KLHDC4: variants seen among roughly 807,000 people sequenced by gnomAD.
KLHDC4 encodes the protein kelch domain containing 4, also known as kelch domain-containing protein 4.
A neutral mutation model predicts 62.4 loss-of-function variants in KLHDC4; 90 were observed. That is an observed-to-expected ratio of 1.44 (90% CI 1.22 to 1.72). The LOEUF (loss-of-function observed/expected upper bound fraction) is 1.72, where lower values mean the gene tolerates loss of function less well. Ranked by LOEUF, KLHDC4 falls within the 40% of genes most tolerant of loss-of-function variation. The pLI, the probability that KLHDC4 is intolerant of heterozygous loss-of-function variation, is 0.00. For synonymous variants in KLHDC4, 386 were observed against 284.4 expected (o/e 1.36, Z -3.59); for missense variants, 1,025 against 699.7 (o/e 1.47, Z -5.25).
intron 7 of KLHDC4, among the ~76,000 whole-genome samples, chr16:87,725,017 C>A (rs185056007): frequency 6.6e-6 from 1 of 152,072 alleles, no homozygotes; most frequent in Non-Finnish European, 1.5e-5. Context: ...CACTTCAGCA[C>A]GAAGCAGCAA....
At chr16:87,724,710 C>T (rs1597505186) in intron 7 of KLHDC4, among the ~76,000 whole-genome samples, 2 of 152,162 alleles carry the variant, frequency 1.3e-5, no homozygotes, top group Admixed American at 6.5e-5. Flanking sequence ...GCAACTGGAA[C>T]TCCCCAACAT....
At position 87,709,663 on chromosome 16, in the gene KLHDC4, G is replaced by C. The variant is rs1244064184; in HGVS notation, c.1049C>G (p.Pro350Arg). The C allele has an allele frequency of 2.5e-6, 4 of 1,595,400 alleles. No individual in the cohort carries two copies. The African/African-American group carries it at 4.0e-5, about 16-fold the overall frequency. Residue 350 changes from proline to arginine, a missense_variant, in exon 10 of 12, where the codon CCC (proline) becomes CGC (arginine). Physicochemically the swap from Pro to Arg is moderately radical, Grantham distance 103. Coordinates refer to ENST00000270583, the MANE Select transcript of KLHDC4 (RefSeq NM_017566.4). ...CCTGCGTTTCTTCTTTTCAGACTTG[G>C]GTCCCTATTAATAGACCGAGGAAGC... ...NRWFEGQLKG[P>R]KSEKKKRRRG...
intron 6 of KLHDC4, among the ~76,000 whole-genome samples, chr16:87,729,605 A>G (rs753833137): frequency 9.2e-5 from 14 of 152,274 alleles, no homozygotes; most frequent in Middle Eastern, 3.2e-3. Flanking sequence ...ACGTGAGCAG[A>G]TAACAGGCCT....
chr16:87,761,410 A>G (rs916223096), intron 2 of KLHDC4, among the ~76,000 whole-genome samples: 1 of 152,238 alleles, frequency 6.6e-6, no homozygotes, highest in Non-Finnish European at 1.5e-5. Context: ...CTGCAAGGTT[A>G]ATCTCCTACT....
In KLHDC4 at chr16:87,727,095, C is replaced by G. The variant is rs562870236; in HGVS notation, c.600-171G>C. Among the ~76,000 whole-genome samples, 5 of 152,304 alleles carry G rather than the reference C, an allele frequency of 3.3e-5. No individual in the cohort carries two copies. The South Asian group carries it at 1.0e-3, about 32-fold the overall frequency. On this transcript the variant is annotated intron_variant, in intron 6 of 11. Coordinates refer to ENST00000270583, the MANE Select transcript of KLHDC4 (RefSeq NM_017566.4). Reference sequence around the variant, plus strand: ...ACAACAATCAACACAGAAACGTGGCCGCTTTCCCTGCAACGAGCCAGAGAC... The same window carrying G: ...ACAACAATCAACACAGAAACGTGGCGGCTTTCCCTGCAACGAGCCAGAGAC...
At chr16:87,730,483 G>A (rs2040151944) in intron 6 of KLHDC4, 69 bp downstream of exon 6, 2 of 1,270,668 alleles carry the variant, frequency 1.6e-6, no homozygotes, top group Non-Finnish European at 2.2e-6. Context: ...TATTCAGAAT[G>A]CTCTTTCTAT....
intron 4 of KLHDC4, among the ~76,000 whole-genome samples, chr16:87,753,086 G>A (rs72812226): frequency 0.1 from 15,161 of 152,224 alleles, 812 homozygotes; most frequent in Non-Finnish European, 0.11. Context: ...TTGCATAGCT[G>A]AGGAGACAAG....
downstream of KLHDC4, among the ~76,000 whole-genome samples, chr16:87,705,361 C>T (rs1412036562): frequency 6.6e-6 from 1 of 152,354 alleles, no homozygotes; most frequent in African/African-American, 2.4e-5. Flanking sequence ...GTGTTGTGTT[C>T]CGCGTCTCCC....
intron 9 of KLHDC4, 141 bp from the exon 10 acceptor site, chr16:87,709,808 T>A: frequency 1.0e-6 from 1 of 984,686 alleles, no homozygotes; most frequent in Non-Finnish European, 1.5e-6. Flanking sequence ...GCGCCATCCC[T>A]GACTGCCCTG....
At chr16:87,763,261 C>T (rs1341822578) in intron 1 of KLHDC4, among the ~76,000 whole-genome samples, 2 of 152,230 alleles carry the variant, frequency 1.3e-5, no homozygotes, top group South Asian at 2.1e-4. Context: ...TCTTTTATTA[C>T]ACATGTGTAT....
chr16:87,706,143 G>T (rs532392946), downstream of KLHDC4, among the ~76,000 whole-genome samples: 61 of 145,478 alleles, frequency 4.2e-4, no homozygotes, highest in South Asian at 0.011. Flanking sequence ...CAGCCCTCGC[G>T]GGGGGGTCAG....
At chr16:87,724,543 G>C (rs767975100) in intron 7 of KLHDC4, among the ~76,000 whole-genome samples, 2 of 152,036 alleles carry the variant, frequency 1.3e-5, no homozygotes, top group South Asian at 4.1e-4. Flanking sequence ...AATAGCAGAA[G>C]ACATGAACAC....
intron 4 of KLHDC4, 74 bp downstream of exon 4, chr16:87,755,120 A>G (rs2044656916): frequency 2.0e-6 from 2 of 1,023,214 alleles, no homozygotes; most frequent in Non-Finnish European, 3.0e-6. Context: ...CCTGTCACCT[A>G]TCAACTCTCC....
intron 1 of KLHDC4, among the ~76,000 whole-genome samples, chr16:87,764,209 G>T (rs2046278092): frequency 6.6e-6 from 1 of 152,088 alleles, no homozygotes; most frequent in Non-Finnish European, 1.5e-5. Context: ...CTAATCAGAC[G>T]CCCACTTATT....
intron 5 of KLHDC4, among the ~76,000 whole-genome samples, chr16:87,747,924 C>G (rs187026793): frequency 1.2e-4 from 19 of 152,352 alleles, no homozygotes; most frequent in Admixed American, 1.2e-3. Flanking sequence ...AAGGGCACTT[C>G]CGCTCTGCTG....
At chr16:87,726,129 G>A (rs887964852) in intron 7 of KLHDC4, among the ~76,000 whole-genome samples, 3 of 152,054 alleles carry the variant, frequency 2.0e-5, no homozygotes. Context: ...AAGCTTCAAT[G>A]TTCATGAAAC....
chr16:87,709,813 G>A (rs771302429), intron 9 of KLHDC4, 146 bp from the exon 10 acceptor site: 8 of 931,642 alleles, frequency 8.6e-6, no homozygotes, highest in Admixed American at 2.9e-5. Context: ...ATCCCTGACT[G>A]CCCTGGGTGC....
intron 8 of KLHDC4, 91 bp downstream of exon 8, chr16:87,714,407 C>T (rs991492767): frequency 2.5e-5 from 38 of 1,529,422 alleles, no homozygotes; most frequent in Admixed American, 7.2e-5. Context: ...AGGGGCTCAC[C>T]GCCAGCCCCA....
In KLHDC4 at chr16:87,765,946, C is replaced by T; in HGVS notation, c.-56G>A. On this transcript the variant is annotated 5_prime_UTR_variant, in exon 1 of 12. Coordinates refer to ENST00000270583, the MANE Select transcript of KLHDC4 (RefSeq NM_017566.4). ...CAGGAAAGAAAACGGCCCGCGCTCT[C>T]CGCTCGGAAACAGGTGCTCGTGGGG... is the stretch of plus-strand genomic sequence containing the variant. The T allele has an allele frequency of 6.6e-7, 1 of 1,513,890 alleles. No homozygotes were observed. Among genetic ancestry groups the T allele is most frequent in the Non-Finnish European group, 9.0e-7 (1 of 1,117,250 alleles). The allele number at this position is 1,513,890 out of a possible 1,614,324, so 93.8% of individuals were successfully genotyped here.
Sources: allele counts gnomAD v4.1 joint callset (sites outside exome capture counted in the v4.1 genomes callset), GRCh38; gene constraint gnomAD v4.1.1; transcripts MANE v1.5; gene names NCBI Gene and HGNC (gene_info 2026-07-23, HGNC 2026-07-21).